RSL1D1: variants seen among roughly 807,000 people sequenced by gnomAD.
The protein encoded by RSL1D1 is ribosomal L1 domain containing 1.
A neutral mutation model predicts 44.6 loss-of-function variants in RSL1D1; 34 were observed. That is an observed-to-expected ratio of 0.76 (90% CI 0.58 to 1.02). The LOEUF is 1.02. Ranked by LOEUF, RSL1D1 falls within the 50% of genes least tolerant of loss-of-function variation. The probability of loss-of-function intolerance (pLI) is 0.00; values close to 1 mark genes in which losing one functional copy is unlikely to be tolerated. For missense variants in RSL1D1, 767 were observed against 568.1 expected, an observed-to-expected ratio of 1.35 and a Z score of -3.56; for synonymous variants, 271 against 207.4, an observed-to-expected ratio of 1.31 and a Z score of -2.63.
In RSL1D1 at chr16:11,846,751, G is replaced by A; in HGVS notation, c.477C>T (p.Ala159=). 1 of 1,613,924 alleles carries A rather than the reference G, an allele frequency of 6.2e-7. No individual in the cohort carries two copies. The highest frequency in any genetic ancestry group is 1.3e-5 in the African/African-American group (1 of 75,044). The stretch of plus-strand genomic sequence containing the variant: ...GTGAGGGTAAGAGCCGCCTAATTCT[G>A]GCATCAGTAAGGAAGAAATCAAAAC... ...LSSFDFFLTD[A]RIRRLLPSLI... Residue 159 remains alanine, a synonymous_variant, in exon 4 of 9, where the codon GCC becomes GCT. Coordinates refer to ENST00000571133, the MANE Select transcript of RSL1D1 (RefSeq NM_015659.3).
At chr16:11,838,195 G>C in intron 8 of RSL1D1, 82 bp from the exon 9 acceptor site, 2 of 1,169,574 alleles carry the variant, frequency 1.7e-6, no homozygotes, top group Non-Finnish European at 2.4e-6. Context: ...GTTTTTATTT[G>C]TATTTATTTA....
In RSL1D1 at chr16:11,841,823, G is replaced by C; in HGVS notation, c.730-3C>G. On this transcript the variant is annotated splice_region_variant and splice_polypyrimidine_tract_variant and intron_variant, in intron 6 of 8. Transcript: ENST00000571133. Reference sequence around the variant, plus strand: ...AGGAGTTTCACGCTCTCCCACTTCTGAAACAAAGAAAAGAGTAACATCGTC... The same window carrying C: ...AGGAGTTTCACGCTCTCCCACTTCTCAAACAAAGAAAAGAGTAACATCGTC... 1.9e-6 allele frequency: 3 copies of C among 1,612,512 alleles called. No individual in the cohort carries two copies. Among genetic ancestry groups the C allele is most frequent in the Non-Finnish European group, 1.7e-6 (2 of 1,179,632 alleles).
At chr16:11,838,344 G>A (rs2053736968) in intron 8 of RSL1D1, among the ~76,000 whole-genome samples, 1 of 151,722 alleles carries the variant, frequency 6.6e-6, no homozygotes, top group Non-Finnish European at 1.5e-5. Flanking sequence ...TGTATTTTTA[G>A]TAGAAACAGG....
Position 11,837,397 on chromosome 16 carries a change from C to T in RSL1D1, c.*390G>A, listed in dbSNP as rs988693595. ...TTTATTTTTGAGACTGAGTCTTGCT[C>T]TGTCATCAGGCTGGAGTGCAGTGGC... is the stretch of plus-strand genomic sequence containing the variant. On this transcript the variant is annotated 3_prime_UTR_variant, in exon 9 of 9. Coordinates refer to ENST00000571133, the MANE Select transcript of RSL1D1 (RefSeq NM_015659.3). 6.1e-6 allele frequency: 1 copy of T among 164,002 alleles called. No individual in the cohort carries two copies. The highest frequency in any genetic ancestry group is 2.4e-5 in the African/African-American group (1 of 41,784). 10.2% of individuals were successfully genotyped at this position (164,002 alleles called of 1,614,324 possible).
chr16:11,837,735 C>T lies in RSL1D1; in HGVS notation c.*52G>A, dbSNP rs2053732042. The T allele has an allele frequency of 4.7e-6, 7 of 1,481,208 alleles. No homozygotes were observed. The highest frequency in any genetic ancestry group is 5.5e-6 in the Non-Finnish European group (6 of 1,090,606). 91.8% of individuals were successfully genotyped at this position (1,481,208 alleles called of 1,614,324 possible). A position where few individuals can be genotyped will look rare whatever the true frequency, so the allele number is the denominator to read the frequency against. Reference sequence around the variant, plus strand: ...AAGGCGGCCAGGATCTGAGTATTTCCAAAAAGCTCTGGAGGCAGCATTGAG... The same window carrying T: ...AAGGCGGCCAGGATCTGAGTATTTCTAAAAAGCTCTGGAGGCAGCATTGAG... On this transcript the variant is annotated 3_prime_UTR_variant, in exon 9 of 9. Transcript: ENST00000571133.
intron 7 of RSL1D1, among the ~76,000 whole-genome samples, chr16:11,840,817 C>T (rs886117493): frequency 6.6e-6 from 1 of 152,114 alleles, no homozygotes; most frequent in Admixed American, 6.6e-5. Flanking sequence ...CCAGTCCCAA[C>T]GAATGTAGGT....
chr16:11,846,394 CA>C (rs374311615), intron 5 of RSL1D1, 106 bp downstream of exon 5: 17,040 of 524,778 alleles, frequency 0.032, 70 homozygotes, highest in African/African-American at 0.059. Context: ...GACTCCATCT[CA>C]AAAAAAAAAA....
chr16:11,842,389 A>G (rs2053769326), intron 5 of RSL1D1, among the ~76,000 whole-genome samples: 1 of 152,270 alleles, frequency 6.6e-6, no homozygotes, highest in South Asian at 2.1e-4. Flanking sequence ...TTTAGGTTCT[A>G]AATATATTTT....
At chr16:11,838,399 G>A (rs1019359777) in intron 8 of RSL1D1, among the ~76,000 whole-genome samples, 4 of 151,918 alleles carry the variant, frequency 2.6e-5, no homozygotes, top group East Asian at 1.9e-4. Context: ...CTGACCTCAG[G>A]TGATCCACCT....
chr16:11,845,836 C>A (rs931777745), intron 5 of RSL1D1, among the ~76,000 whole-genome samples: 2 of 152,090 alleles, frequency 1.3e-5, no homozygotes, highest in African/African-American at 4.8e-5. Context: ...ATCCTCCTGC[C>A]ACAGCCTCCT....
chr16:11,840,133 G>A, intron 7 of RSL1D1, 148 bp from the exon 8 acceptor site: 1 of 1,289,030 alleles, frequency 7.8e-7, no homozygotes, highest in South Asian at 1.5e-5. Flanking sequence ...AACCAGCACT[G>A]GAACCTCAAC....
In RSL1D1 at chr16:11,846,100, CT is replaced by C. The variant is rs372136140; in HGVS notation, c.635+400del. Among the ~76,000 whole-genome samples, 106 of 150,222 alleles carry C rather than the reference CT, an allele frequency of 7.1e-4. 1 individual carries two copies. The South Asian group carries it at 0.022, about 31-fold the overall frequency. On this transcript the variant is annotated intron_variant, in intron 5 of 8. Coordinates refer to ENST00000571133, the MANE Select transcript of RSL1D1 (RefSeq NM_015659.3). Reference sequence around the variant, plus strand: ...AAGGATCTGGAGCCATTAACAAAATCTTTTTAAAAAGGCCAGGTGCAGTGGC... The same window carrying C: ...AAGGATCTGGAGCCATTAACAAAATCTTTTAAAAAGGCCAGGTGCAGTGGC...
intron 5 of RSL1D1, among the ~76,000 whole-genome samples, chr16:11,844,191 G>A (rs1481814547): frequency 6.6e-6 from 1 of 152,182 alleles, no homozygotes; most frequent in African/African-American, 2.4e-5. Flanking sequence ...ATGGAAAGAT[G>A]GTGGGGGGGA....
At chr16:11,841,558 A>G in intron 7 of RSL1D1, 137 bp downstream of exon 7, 1 of 756,608 alleles carries the variant, frequency 1.3e-6, no homozygotes, top group Non-Finnish European at 2.1e-6. Context: ...TACCTCATGT[A>G]AAGTGACAAA....
Position 11,835,154 on chromosome 16 carries a change from A to G in RSL1D1, c.*2633T>C, listed in dbSNP as rs2053707545. The G allele has an allele frequency of 6.6e-6, 1 of 152,114 alleles. No homozygotes were observed. Among genetic ancestry groups the G allele is most frequent in the Non-Finnish European group, 1.5e-5 (1 of 68,094 alleles). 9.4% of individuals were successfully genotyped at this position (152,114 alleles called of 1,614,324 possible). On this transcript the variant is annotated 3_prime_UTR_variant, in exon 9 of 9. Transcript: ENST00000571133. ...ACCAAAAAAACAGCAAAAGCAGGCT[A>G]GACTCCTCTAATTTCAGGGAGAGCT...
rs2053783761 is a variant in RSL1D1 at position 11,844,302 on chromosome 16, G to T, written c.635+2199C>A. Among the ~76,000 whole-genome samples the T allele has an allele frequency of 2.0e-5, 3 of 152,186 alleles. 1 individual carries two copies. The highest frequency in any genetic ancestry group is 1.5e-5 in the Non-Finnish European group (1 of 68,032). ...TGATTTCTTTTTTTCTCAATTGTCT[G>T]CAACTTTCTTTAAGCTGTTGCTTTT... On this transcript the variant is annotated intron_variant, in intron 5 of 8. Coordinates refer to ENST00000571133, the MANE Select transcript of RSL1D1 (RefSeq NM_015659.3).
At chr16:11,844,708 C>A (rs1246047705) in intron 5 of RSL1D1, among the ~76,000 whole-genome samples, 1 of 152,218 alleles carries the variant, frequency 6.6e-6, no homozygotes, top group Non-Finnish European at 1.5e-5. Context: ...TCCACTGGGT[C>A]TGCACGGCTC....
At chr16:11,847,045 C>G (rs2053804091) in intron 3 of RSL1D1, among the ~76,000 whole-genome samples, 1 of 152,082 alleles carries the variant, frequency 6.6e-6, no homozygotes, top group South Asian at 2.1e-4. Flanking sequence ...AAGACCCCAG[C>G]TAAAGCAACT....
At chr16:11,839,243 G>A (rs2053745173) in intron 8 of RSL1D1, among the ~76,000 whole-genome samples, 1 of 152,116 alleles carries the variant, frequency 6.6e-6, no homozygotes, top group Non-Finnish European at 1.5e-5. Context: ...GTGCGCGCCT[G>A]TAATCCCAGC....
Sources: allele counts gnomAD v4.1 joint callset (sites outside exome capture counted in the v4.1 genomes callset), GRCh38; gene constraint gnomAD v4.1.1; transcripts MANE v1.5; gene names NCBI Gene and HGNC (gene_info 2026-07-23, HGNC 2026-07-21).